The following CDK14 variants were observed in gnomAD, a reference collection of about 807,000 sequenced individuals.
The protein encoded by CDK14 is cyclin-dependent kinase 14.
A neutral mutation model predicts 60.7 loss-of-function variants in CDK14; 34 were observed. That is an observed-to-expected ratio of 0.56 (90% CI 0.43 to 0.75). The LOEUF (loss-of-function observed/expected upper bound fraction) is 0.75, where lower values mean the gene tolerates loss of function less well. CDK14 is among the 30% of genes least tolerant of loss of function. CDK14 has a pLI of 0.00. For synonymous variants in CDK14, 197 were observed against 203.7 expected (o/e 0.97, Z 0.28); for missense variants, 482 against 564.1 (o/e 0.85, Z 1.47).
intron 6 of CDK14, among the ~76,000 whole-genome samples, chr7:90,866,197 GC>G (rs1465032195): frequency 2.0e-5 from 3 of 148,378 alleles, no homozygotes; most frequent in Non-Finnish European, 4.5e-5. Flanking sequence ...TCACATATAT[GC>G]CACTAGGGTC....
At chr7:91,044,358 G>C (rs1797175112) in intron 10 of CDK14, among the ~76,000 whole-genome samples, 2 of 152,202 alleles carry the variant, frequency 1.3e-5, no homozygotes, top group South Asian at 4.1e-4. Context: ...TACCAAAAGG[G>C]GTTACCAAAA....
intron 14 of CDK14, among the ~76,000 whole-genome samples, chr7:91,153,372 A>G (rs1175133391): frequency 6.6e-6 from 1 of 152,210 alleles, no homozygotes; most frequent in Admixed American, 6.6e-5. Flanking sequence ...CATTTGACCC[A>G]GCAATCCCAT....
chr7:91,107,100 A>G (rs1799325793), intron 12 of CDK14, among the ~76,000 whole-genome samples: 1 of 152,210 alleles, frequency 6.6e-6, no homozygotes, highest in South Asian at 2.1e-4. Context: ...ACTGAATTAA[A>G]GAATTGGTCT....
chr7:90,771,659 G>A (rs1021623314), intron 4 of CDK14, among the ~76,000 whole-genome samples: 1 of 152,340 alleles, frequency 6.6e-6, no homozygotes, highest in East Asian at 1.9e-4. Context: ...AGATGATAGT[G>A]TAAAGAACCA....
At chr7:90,679,060 C>G (rs905894230) in intron 2 of CDK14, among the ~76,000 whole-genome samples, 1 of 152,146 alleles carries the variant, frequency 6.6e-6, no homozygotes, top group Non-Finnish European at 1.5e-5. Flanking sequence ...AGCAATCCTC[C>G]CACCTCAGCC....
intron 4 of CDK14, among the ~76,000 whole-genome samples, chr7:90,781,810 G>A (rs1001055447): frequency 5.9e-5 from 9 of 152,018 alleles, no homozygotes; most frequent in Admixed American, 2.0e-4. Context: ...TGCTGTTTTG[G>A]TTACTGTAGC....
intron 2 of CDK14, among the ~76,000 whole-genome samples, chr7:90,672,716 G>A (rs542317223): frequency 2.2e-4 from 34 of 151,606 alleles, no homozygotes; most frequent in African/African-American, 8.0e-4. Flanking sequence ...TAGAGATGGG[G>A]TCTCACTATG....
At chr7:90,738,460 T>G (rs1271511436) in intron 3 of CDK14, among the ~76,000 whole-genome samples, 3 of 152,220 alleles carry the variant, frequency 2.0e-5, no homozygotes, top group African/African-American at 7.2e-5. Context: ...ATTGTTCAGC[T>G]GGAACATTAT....
chr7:90,738,917 A>T (rs887778740), intron 3 of CDK14, among the ~76,000 whole-genome samples: 1 of 149,060 alleles, frequency 6.7e-6, no homozygotes, highest in Non-Finnish European at 1.5e-5. Context: ...TACTTATTTG[A>T]TGGGAAGAAT....
intron 2 of CDK14, among the ~76,000 whole-genome samples, chr7:90,622,917 TTTTTTC>T (rs1435437835): frequency 2.0e-4 from 29 of 143,816 alleles, no homozygotes; most frequent in African/African-American, 7.3e-4. Context: ...TTCTTTCTTT[TTTTTTC>T]TTTTTTTTTT....
chr7:90,891,979 A>T (rs575319507), intron 6 of CDK14, among the ~76,000 whole-genome samples: 1 of 152,356 alleles, frequency 6.6e-6, no homozygotes, highest in South Asian at 2.1e-4. Context: ...GGAAAACCTC[A>T]CTTCATGAAT....
rs540010562 is a variant in CDK14, at chr7:91,144,168, C to G, written c.*28+25960C>G. Among the ~76,000 whole-genome samples the G allele has an allele frequency of 2.0e-5, 3 of 152,196 alleles. No individual in the cohort carries two copies. In the South Asian group the frequency reaches 6.2e-4, roughly 32 times the overall value. On this transcript the variant is annotated intron_variant, in intron 14 of 14. Transcript: ENST00000380050. Reference sequence around the variant, plus strand: ...GTTAATTAATCTGTAACTTGAACACCCTAAAGGCCCCATTTAAATACAATT... The same window carrying G: ...GTTAATTAATCTGTAACTTGAACACGCTAAAGGCCCCATTTAAATACAATT...
chr7:90,808,805 G>A (rs559530135), intron 5 of CDK14, among the ~76,000 whole-genome samples: 1 of 152,186 alleles, frequency 6.6e-6, no homozygotes, highest in South Asian at 2.1e-4. Context: ...AAAAAAGGCA[G>A]GGGTTGCAAT....
intron 2 of CDK14, among the ~76,000 whole-genome samples, chr7:90,663,287 T>C (rs889369735): frequency 2.0e-5 from 3 of 152,208 alleles, no homozygotes; most frequent in Non-Finnish European, 4.4e-5. Flanking sequence ...TCTCAGAAAT[T>C]GAGTGGTTGG....
chr7:90,897,654 A>G (rs1293240176), intron 6 of CDK14, among the ~76,000 whole-genome samples: 2 of 152,080 alleles, frequency 1.3e-5, no homozygotes, highest in African/African-American at 4.8e-5. Flanking sequence ...GGGGAAGTTA[A>G]TAATATGAAG....
At chr7:91,184,243 C>T (rs544531441) in intron 14 of CDK14, among the ~76,000 whole-genome samples, 4 of 130,816 alleles carry the variant, frequency 3.1e-5, no homozygotes, top group South Asian at 4.9e-4. Context: ...ATTGCGCCAC[C>T]GCCGCACTTC....
intron 2 of CDK14, chr7:90,710,319 C>G (rs1802013818): frequency 1.0e-6 from 1 of 985,240 alleles, no homozygotes; most frequent in Non-Finnish European, 1.2e-6. Context: ...TGAAAGAGAT[C>G]TTACATTTTT....
chr7:91,192,663 C>G (rs961365902), intron 14 of CDK14, among the ~76,000 whole-genome samples: 1 of 152,122 alleles, frequency 6.6e-6, no homozygotes, highest in African/African-American at 2.4e-5. Flanking sequence ...TTTTCACGTA[C>G]TAAATAAAGT....
rs55869312 is a variant in CDK14 at position 91,016,747 on chromosome 7, T to C, written c.1042-29150T>C. The stretch of plus-strand genomic sequence containing the variant: ...GTTTTTATATTCATCATCTATAGCA[T>C]GTTTTAAGGTTTCGGAACCTAGATT... On this transcript the variant is annotated intron_variant, in intron 10 of 14. Coordinates refer to ENST00000380050, the MANE Select transcript of CDK14 (RefSeq NM_001287135.2). Among the ~76,000 whole-genome samples the C allele has an allele frequency of 4.8e-3, 724 of 152,358 alleles. 8 individuals are homozygous for C. The highest frequency in any genetic ancestry group is 0.016 in the African/African-American group (677 of 41,576).
Sources: gnomAD v4.1 joint callset for allele counts (sites outside exome capture counted in the v4.1 genomes callset) on GRCh38, gnomAD v4.1.1 for gene constraint, MANE v1.5 for transcripts, NCBI Gene and HGNC (gene_info 2026-07-23, HGNC 2026-07-21) for gene names.